RAPGEF2: variants seen among roughly 807,000 people sequenced by gnomAD.
RAPGEF2 encodes the protein Rap guanine nucleotide exchange factor 2.
A neutral mutation model predicts 186.7 loss-of-function variants in RAPGEF2; 54 were observed. The observed-to-expected ratio is 0.29, with a 90% CI of 0.23 to 0.36. The LOEUF (loss-of-function observed/expected upper bound fraction) is 0.36. RAPGEF2 is among the 10% of genes least tolerant of loss of function. RAPGEF2 has a pLI of 1.00. For missense variants in RAPGEF2, 1,532 were observed against 2,045.0 expected, an observed-to-expected ratio of 0.75 and a Z score of 4.84; for synonymous variants, 712 against 705.9, an observed-to-expected ratio of 1.01 and a Z score of -0.14.
intron 5 of RAPGEF2, among the ~76,000 whole-genome samples, chr4:159,239,091 C>T (rs1197631623): frequency 3.3e-5 from 5 of 151,878 alleles, no homozygotes. Flanking sequence ...CAATTAAATG[C>T]CAAAAAAATT....
chr4:159,332,835 T>TAAACAGTATAAACAGTATA, intron 17 of RAPGEF2, 138 bp downstream of exon 17: 1 of 1,034,812 alleles, frequency 9.7e-7, no homozygotes, highest in Non-Finnish European at 1.3e-6. Context: ...GAAGCAGTAT[T>TAAACAGTATAAACAGTATA]AAACAATCAA....
At chr4:159,198,031 TTC>T (rs1748850048) in intron 3 of RAPGEF2, among the ~76,000 whole-genome samples, 1 of 152,132 alleles carries the variant, frequency 6.6e-6, no homozygotes, top group Non-Finnish European at 1.5e-5. Context: ...ATCCTGAAGT[TTC>T]TCCTTTGCCT....
chr4:159,252,819 AT>A (rs1156420629), intron 7 of RAPGEF2, among the ~76,000 whole-genome samples: 17 of 152,168 alleles, frequency 1.1e-4, no homozygotes, highest in African/African-American at 3.9e-4. Context: ...TCTAAAAAAA[AT>A]TTTTGGCTCT....
chr4:159,197,079 C>T (rs914583981), intron 3 of RAPGEF2, among the ~76,000 whole-genome samples: 10 of 152,096 alleles, frequency 6.6e-5, no homozygotes, highest in South Asian at 2.1e-4. Context: ...AATACTGAGG[C>T]GGATAATATG....
intron 4 of RAPGEF2, among the ~76,000 whole-genome samples, chr4:159,211,030 T>C (rs531089591): frequency 4.5e-4 from 69 of 152,322 alleles, no homozygotes; most frequent in African/African-American, 1.6e-3. Flanking sequence ...CTCAAGACCA[T>C]ATGGCCTTTC....
rs370477370 is a variant in RAPGEF2, at chr4:159,240,331, C to CTTTTTTTTTTTTTTTT, written c.358-866_358-851dup. ...CCCTGTTCATTCATCAGCATTTCTA[C>CTTTTTTTTTTTTTTTT]TTTTTTTTTTTTTTTTTTTGGAGAC... On this transcript the variant is annotated intron_variant, in intron 5 of 29. Transcript: ENST00000691494. Among the ~76,000 whole-genome samples, 40 of 77,608 alleles carry CTTTTTTTTTTTTTTTT rather than the reference C, an allele frequency of 5.2e-4. 4 individuals are homozygous for CTTTTTTTTTTTTTTTT. The highest frequency in any genetic ancestry group is 1.8e-3 in the African/African-American group (34 of 18,624). 50.9% of individuals were successfully genotyped at this position (77,608 alleles called of 152,430 possible). A position where few individuals can be genotyped will look rare whatever the true frequency, so the allele number is the denominator to read the frequency against.
At chr4:159,205,259 G>C (rs565141579) in intron 3 of RAPGEF2, among the ~76,000 whole-genome samples, 3 of 152,162 alleles carry the variant, frequency 2.0e-5, no homozygotes, top group South Asian at 4.2e-4. Context: ...TGGGGAATTG[G>C]GTGGGATAGA....
intron 21 of RAPGEF2, 35 bp downstream of exon 21, chr4:159,343,225 G>C: frequency 6.2e-7 from 1 of 1,613,892 alleles, no homozygotes; most frequent in Non-Finnish European, 8.5e-7. Flanking sequence ...ATCTTTGCTT[G>C]AAGAAGCACA....
chr4:159,249,699 CT>C (rs147082010), intron 7 of RAPGEF2, among the ~76,000 whole-genome samples: 1 of 151,266 alleles, frequency 6.6e-6, no homozygotes, highest in Non-Finnish European at 1.5e-5. Flanking sequence ...TAATAGTAAA[CT>C]TTTTTTTTAA....
chr4:159,147,468 A>C (rs986878826), intron 1 of RAPGEF2, among the ~76,000 whole-genome samples: 1 of 152,114 alleles, frequency 6.6e-6, no homozygotes, highest in Non-Finnish European at 1.5e-5. Context: ...TTAGCTGACT[A>C]CCCAAGGTCA....
rs1747590142 is a variant in RAPGEF2 at position 159,186,712 on chromosome 4, G to C, written c.140G>C (p.Arg47Thr). 1 of 1,430,850 alleles carries C rather than the reference G, an allele frequency of 7.0e-7. No homozygotes were observed. Among genetic ancestry groups the C allele is most frequent in the Non-Finnish European group, 9.4e-7 (1 of 1,063,128 alleles). The allele number at this position is 1,430,850 out of a possible 1,614,324, so 88.6% of individuals were successfully genotyped here. Reference sequence around the variant, plus strand: ...TCAAACTTGAGGGAGCATCAACTTAGGTATGTCATTTTAATATTCAGTTAA... The same window carrying C: ...TCAAACTTGAGGGAGCATCAACTTACGTATGTCATTTTAATATTCAGTTAA... ...ALSNLREHQL[R>T]LMCETVRYER... Residue 47 changes from arginine to threonine, a missense_variant and splice_region_variant, in exon 2 of 30, where the codon AGG (arginine) becomes ACG (threonine). By Grantham distance (71) the Arg-to-Thr change is moderately conservative. This residue lies in a region of RAPGEF2 where 810 missense variants were observed against 1,210.5 expected (regional missense o/e 0.67). Coordinates refer to ENST00000691494, the MANE Select transcript of RAPGEF2 (RefSeq NM_001394067.2).
At chr4:159,153,514 T>C (rs1743782693) in intron 1 of RAPGEF2, among the ~76,000 whole-genome samples, 1 of 152,180 alleles carries the variant, frequency 6.6e-6, no homozygotes, top group South Asian at 2.1e-4. Flanking sequence ...TTATTAAAAT[T>C]GGTGAATTTA....
intron 1 of RAPGEF2, among the ~76,000 whole-genome samples, chr4:159,145,722 G>A (rs1742895228): frequency 6.6e-6 from 1 of 152,174 alleles, no homozygotes; most frequent in Admixed American, 6.5e-5. Flanking sequence ...TGTTTAAGAG[G>A]TATTAGTAAG....
At chr4:159,122,647 T>A (rs1353313338) in intron 1 of RAPGEF2, among the ~76,000 whole-genome samples, 2 of 152,222 alleles carry the variant, frequency 1.3e-5, no homozygotes, top group East Asian at 3.8e-4. Context: ...TGTAGCCACC[T>A]CCTGTTGCTT....
intron 4 of RAPGEF2, among the ~76,000 whole-genome samples, chr4:159,230,348 T>C (rs935778565): frequency 1.3e-5 from 2 of 152,216 alleles, no homozygotes; most frequent in Non-Finnish European, 2.9e-5. Flanking sequence ...CATATGTGTG[T>C]GTTAATATGT....
chr4:159,197,519 A>G (rs1480339665), intron 3 of RAPGEF2, among the ~76,000 whole-genome samples: 2 of 152,214 alleles, frequency 1.3e-5, no homozygotes, highest in African/African-American at 4.8e-5. Flanking sequence ...TGGTTTCCAA[A>G]AGAGTTTTCA....
At chr4:159,214,948 C>T (rs1161370853) in intron 4 of RAPGEF2, among the ~76,000 whole-genome samples, 1 of 152,116 alleles carries the variant, frequency 6.6e-6, no homozygotes, top group East Asian at 1.9e-4. Context: ...CTGCAGCCTC[C>T]GCCTTCCACG....
chr4:159,345,012 A>G (rs1730084161), intron 23 of RAPGEF2, 94 bp from the exon 24 acceptor site: 1 of 1,000,570 alleles, frequency 1.0e-6, no homozygotes, highest in Admixed American at 2.0e-5. Flanking sequence ...TGACCTTTTG[A>G]ACATAGACTA....
At chr4:159,115,721 T>G (rs1314869287) in intron 1 of RAPGEF2, among the ~76,000 whole-genome samples, 1 of 152,188 alleles carries the variant, frequency 6.6e-6, no homozygotes, top group Non-Finnish European at 1.5e-5. Context: ...AGCATGGTAC[T>G]GGTACAAAAA....
Sources: gnomAD v4.1 joint callset for allele counts (sites outside exome capture counted in the v4.1 genomes callset) on GRCh38, gnomAD v4.1.1 for gene constraint, gnomAD v4.1.1 regional missense constraint, MANE v1.5 for transcripts, NCBI Gene and HGNC (gene_info 2026-07-23, HGNC 2026-07-21) for gene names.